The following NCKAP5 variants were observed in gnomAD, a reference collection of about 807,000 sequenced individuals.
NCKAP5 encodes the protein NCK associated protein 5.
NCKAP5 carries 92 observed loss-of-function variants against 167.0 expected under a neutral mutation model. That is an observed-to-expected ratio of 0.55 (90% CI 0.47 to 0.66). The LOEUF is 0.66. Ranked by LOEUF, NCKAP5 falls within the 30% of genes least tolerant of loss-of-function variation. The probability of loss-of-function intolerance (pLI) is 0.00; values close to 1 mark genes in which losing one functional copy is unlikely to be tolerated. For missense variants in NCKAP5, 2,378 were observed against 2,315.0 expected, an observed-to-expected ratio of 1.03 and a Z score of -0.56; for synonymous variants, 891 against 877.4, an observed-to-expected ratio of 1.02 and a Z score of -0.27.
At chr2:132,815,850 C>G (rs964733551) in intron 11 of NCKAP5, among the ~76,000 whole-genome samples, 3 of 152,208 alleles carry the variant, frequency 2.0e-5, no homozygotes, top group South Asian at 2.1e-4. Flanking sequence ...TTCTCCATTA[C>G]AGCCAACATA....
At chr2:133,440,637 G>A (rs1690776587) in intron 3 of NCKAP5, among the ~76,000 whole-genome samples, 1 of 146,462 alleles carries the variant, frequency 6.8e-6, no homozygotes, top group South Asian at 2.2e-4. Flanking sequence ...GTGAACCCAG[G>A]AGGCGGAGCT....
At chr2:132,720,495 C>T (rs924041051) in intron 19 of NCKAP5, among the ~76,000 whole-genome samples, 1 of 152,166 alleles carries the variant, frequency 6.6e-6, no homozygotes, top group Non-Finnish European at 1.5e-5. Flanking sequence ...AGCAAGTGGG[C>T]CCCCAAAACC....
At chr2:133,025,141 T>C (rs1431654364) in intron 6 of NCKAP5, among the ~76,000 whole-genome samples, 1 of 152,188 alleles carries the variant, frequency 6.6e-6, no homozygotes, top group East Asian at 1.9e-4. Flanking sequence ...CATCCAATTT[T>C]CTCCAACTTA....
rs138995944 is a variant in NCKAP5, at chr2:133,170,915, C to T, written c.208-40804G>A. ...TCTCCAGTCCTCTTTAAAACACAACCTTCTCCTGGTTTACTCAGGTGACAA... is the reference window on the plus strand; with the variant it reads ...TCTCCAGTCCTCTTTAAAACACAACTTTCTCCTGGTTTACTCAGGTGACAA... On this transcript the variant is annotated intron_variant, in intron 5 of 19. Transcript: ENST00000409261. Among the ~76,000 whole-genome samples, 433 of 152,248 alleles carry T rather than the reference C, an allele frequency of 2.8e-3. 2 individuals carry two copies. The highest frequency in any genetic ancestry group is 9.8e-3 in the African/African-American group (407 of 41,542).
chr2:133,385,960 GCGGT>G (rs1163176717), intron 3 of NCKAP5, among the ~76,000 whole-genome samples: 2 of 151,558 alleles, frequency 1.3e-5, no homozygotes, highest in Non-Finnish European at 2.9e-5. Flanking sequence ...AGTCTTGTTA[GCGGT>G]CAATCAATTT....
In NCKAP5 at chr2:133,452,283, T is replaced by C. The variant is rs370198183; in HGVS notation, c.69+65175A>G. 4.6e-5 allele frequency among the ~76,000 whole-genome samples: 7 copies of C among 152,240 alleles called. No homozygotes were observed. In the South Asian group the frequency reaches 1.5e-3, roughly 32 times the overall value. On this transcript the variant is annotated intron_variant, in intron 3 of 19. Coordinates refer to ENST00000409261, the MANE Select transcript of NCKAP5 (RefSeq NM_207363.3). Reference sequence around the variant, plus strand: ...AGGGAGAATTTGAAGGACCAAAGCATTAAATGCAGCCAACTAGGAGAGGCT... The same window carrying C: ...AGGGAGAATTTGAAGGACCAAAGCACTAAATGCAGCCAACTAGGAGAGGCT...
chr2:133,491,572 C>A (rs1340136993), intron 3 of NCKAP5, among the ~76,000 whole-genome samples: 2 of 152,194 alleles, frequency 1.3e-5, no homozygotes, highest in African/African-American at 2.4e-5. Context: ...CATCTCTATT[C>A]TTCTGATATT....
chr2:133,248,672 T>C (rs1172971445), intron 4 of NCKAP5, among the ~76,000 whole-genome samples: 3 of 152,206 alleles, frequency 2.0e-5, no homozygotes, highest in African/African-American at 7.2e-5. Flanking sequence ...TGGACAATGT[T>C]GAGCTGCACT....
At chr2:133,370,578 A>G (rs965911870) in intron 3 of NCKAP5, among the ~76,000 whole-genome samples, 1 of 152,228 alleles carries the variant, frequency 6.6e-6, no homozygotes, top group Non-Finnish European at 1.5e-5. Context: ...GCTAGACTCA[A>G]GAAAATAAGA....
At chr2:133,541,696 G>A (rs1193762542) in intron 2 of NCKAP5, among the ~76,000 whole-genome samples, 1 of 151,576 alleles carries the variant, frequency 6.6e-6, no homozygotes, top group Non-Finnish European at 1.5e-5. Flanking sequence ...AAAAAAATAA[G>A]AAAAAGAGTA....
intron 6 of NCKAP5, among the ~76,000 whole-genome samples, chr2:133,094,286 T>C (rs1285687171): frequency 6.6e-6 from 1 of 151,322 alleles, no homozygotes; most frequent in South Asian, 2.1e-4. Context: ...GATTGGTGTA[T>C]GCATGGTGAG....
At chr2:133,193,296 G>A (rs1286551581) in intron 5 of NCKAP5, among the ~76,000 whole-genome samples, 1 of 151,556 alleles carries the variant, frequency 6.6e-6, no homozygotes, top group Non-Finnish European at 1.5e-5. Flanking sequence ...ACAACGTAAG[G>A]GATCCATGTG....
rs149009540 is a variant in NCKAP5, at chr2:133,223,935, G to T, written c.144-10156C>A. On this transcript the variant is annotated intron_variant, in intron 4 of 19. Coordinates refer to ENST00000409261, the MANE Select transcript of NCKAP5 (RefSeq NM_207363.3). ...AAAATTAACACAGAGACTTTTTAAA[G>T]AATTCAGTGTGTTGGAATACAGAGA... Among the ~76,000 whole-genome samples the T allele has an allele frequency of 3.9e-4, 59 of 152,230 alleles. No homozygotes were observed. The East Asian group carries it at 0.011, about 29-fold the overall frequency.
chr2:133,312,725 C>A (rs1046434689), intron 3 of NCKAP5, among the ~76,000 whole-genome samples: 41 of 152,298 alleles, frequency 2.7e-4, no homozygotes, highest in African/African-American at 9.6e-4. Flanking sequence ...AAATAAATTC[C>A]TATCTTAATT....
intron 4 of NCKAP5, among the ~76,000 whole-genome samples, chr2:133,289,678 A>G (rs2150507645): frequency 6.6e-6 from 1 of 152,110 alleles, no homozygotes; most frequent in East Asian, 1.9e-4. Flanking sequence ...GCAACAGAAC[A>G]AGAGTCCGTC....
chr2:133,652,444 C>G, the NCKAP5 span, among the ~76,000 whole-genome samples: 7 of 152,176 alleles, frequency 4.6e-5, no homozygotes, highest in African/African-American at 1.7e-4. Context: ...AAACAGTGGA[C>G]AATGACAATT....
At chr2:133,311,382 T>C (rs1320477690) in intron 3 of NCKAP5, among the ~76,000 whole-genome samples, 3 of 152,238 alleles carry the variant, frequency 2.0e-5, no homozygotes, top group Non-Finnish European at 4.4e-5. Flanking sequence ...AGAACTTCCA[T>C]GCTCTCTCCT....
chr2:132,983,703 G>C (rs2077204567), intron 7 of NCKAP5, among the ~76,000 whole-genome samples: 1 of 152,156 alleles, frequency 6.6e-6, no homozygotes, highest in Non-Finnish European at 1.5e-5. Context: ...ACTGACATGG[G>C]AGTCGGGAGG....
intron 3 of NCKAP5, among the ~76,000 whole-genome samples, chr2:133,369,655 CA>C (rs1171391639): frequency 6.6e-6 from 1 of 152,104 alleles, no homozygotes; most frequent in Non-Finnish European, 1.5e-5. Flanking sequence ...GGAAGACAGA[CA>C]AGTCAATACC....
Sources: allele counts gnomAD v4.1 joint callset (sites outside exome capture counted in the v4.1 genomes callset), GRCh38; gene constraint gnomAD v4.1.1; transcripts MANE v1.5; gene names NCBI Gene and HGNC (gene_info 2026-07-23, HGNC 2026-07-21).